UXS1: variants seen among roughly 807,000 people sequenced by gnomAD.
The protein encoded by UXS1 is UDP-glucuronate decarboxylase 1, also known as UDP-glucuronic acid decarboxylase 1.
Under a neutral mutation model 62.6 loss-of-function variants are expected in UXS1, and 33 were observed. The ratio of observed to expected loss-of-function variants is 0.53; its 90% confidence interval spans 0.40 to 0.70. The LOEUF (loss-of-function observed/expected upper bound fraction) is 0.70. Among genes scored for constraint, UXS1 ranks in the 30% least tolerant of loss-of-function variants. The pLI is 0.00. For missense variants in UXS1, 434 were observed against 556.3 expected, an observed-to-expected ratio of 0.78 and a Z score of 2.21; for synonymous variants, 213 against 206.8, an observed-to-expected ratio of 1.03 and a Z score of -0.26.
At chr2:106,162,646 C>T (rs1247549785) in intron 4 of UXS1, among the ~76,000 whole-genome samples, 1 of 152,146 alleles carries the variant, frequency 6.6e-6, no homozygotes, top group African/African-American at 2.4e-5. Context: ...AACTAAAGCA[C>T]AGAATCATGG....
chr2:106,109,602 T>TC (rs764791796), intron 10 of UXS1, among the ~76,000 whole-genome samples: 4 of 152,208 alleles, frequency 2.6e-5, no homozygotes, highest in Admixed American at 6.5e-5. Context: ...AAAATAAACT[T>TC]AGGACAATAG....
intron 5 of UXS1, 155 bp from the exon 6 acceptor site, chr2:106,145,525 C>T (rs1681493184): frequency 4.6e-6 from 4 of 877,966 alleles, no homozygotes; most frequent in Admixed American, 3.3e-5. Flanking sequence ...AAGGTAGCAT[C>T]TTGACTCTTA....
chr2:106,097,087 C>A, intron 13 of UXS1: 1 of 585,678 alleles, frequency 1.7e-6, no homozygotes. Context: ...TCTGTCTCAA[C>A]AGGCCTGAGT....
intron 11 of UXS1, chr2:106,102,131 T>C (rs528642215): frequency 1.1e-4 from 16 of 152,366 alleles, no homozygotes; most frequent in African/African-American, 3.8e-4. Context: ...GTATTTCATA[T>C]GAACATGCTT....
chr2:106,138,058 C>G (rs370299152), intron 6 of UXS1: 2 of 444,234 alleles, frequency 4.5e-6, no homozygotes, highest in East Asian at 3.2e-4. Flanking sequence ...CTTGAGGTGA[C>G]AAGGTATGCA....
chr2:106,168,799 G>A (rs1387704433), intron 1 of UXS1, among the ~76,000 whole-genome samples: 5 of 151,852 alleles, frequency 3.3e-5, no homozygotes, highest in Admixed American at 1.3e-4. Context: ...ATATGACCAC[G>A]GAACTACACT....
At chr2:106,149,459 A>G (rs1014805046) in intron 5 of UXS1, among the ~76,000 whole-genome samples, 2 of 152,168 alleles carry the variant, frequency 1.3e-5, no homozygotes, top group Non-Finnish European at 1.5e-5. Context: ...CAGAGGAGTG[A>G]GTGTGTTATC....
At chr2:106,146,211 C>A (rs1436709504) in intron 5 of UXS1, among the ~76,000 whole-genome samples, 1 of 152,320 alleles carries the variant, frequency 6.6e-6, no homozygotes, top group African/African-American at 2.4e-5. Flanking sequence ...AGAATAGGCT[C>A]AGAAAACAGA....
intron 3 of UXS1, among the ~76,000 whole-genome samples, chr2:106,164,079 T>C (rs1465810355): frequency 6.6e-6 from 1 of 152,212 alleles, no homozygotes; most frequent in African/African-American, 2.4e-5. Flanking sequence ...TTTCTGCAAT[T>C]ACTGTGTATA....
chr2:106,179,234 A>C (rs888166355), intron 1 of UXS1, among the ~76,000 whole-genome samples: 1 of 151,930 alleles, frequency 6.6e-6, no homozygotes, highest in Non-Finnish European at 1.5e-5. Flanking sequence ...TGAAGCCTCC[A>C]TGGTCTCCCC....
Position 106,176,698 on chromosome 2 carries a change from G to A in UXS1, c.95-10615C>T, listed in dbSNP as rs937391127. Among the ~76,000 whole-genome samples the A allele has an allele frequency of 3.9e-5, 6 of 152,306 alleles. 1 individual carries two copies. The highest frequency in any genetic ancestry group is 2.9e-5 in the Non-Finnish European group (2 of 68,020). On this transcript the variant is annotated intron_variant, in intron 1 of 14. Coordinates refer to ENST00000283148, the MANE Select transcript of UXS1 (RefSeq NM_001253875.2). ...TTCCAGGCCTGTGCTCATTCTAAGC[G>A]GTTACACAGGATGAAAAGTGGCCCA...
At chr2:106,186,793 GGAC>G (rs1485881005) in intron 1 of UXS1, among the ~76,000 whole-genome samples, 1 of 151,930 alleles carries the variant, frequency 6.6e-6, no homozygotes, top group African/African-American at 2.4e-5. Context: ...ATTCCAGCAT[GGAC>G]AACAGATTGA....
chr2:106,144,063 A>G (rs1573501629), intron 6 of UXS1, among the ~76,000 whole-genome samples: 2 of 152,354 alleles, frequency 1.3e-5, no homozygotes, highest in East Asian at 3.9e-4. Flanking sequence ...TGGGTTGAAC[A>G]ATGGGAAAGG....
At chr2:106,121,453 A>G (rs1184809909) in intron 9 of UXS1, among the ~76,000 whole-genome samples, 1 of 152,254 alleles carries the variant, frequency 6.6e-6, no homozygotes, top group Non-Finnish European at 1.5e-5. Context: ...AAAGCAAAAG[A>G]AAACAGTTGA....
intron 11 of UXS1, among the ~76,000 whole-genome samples, chr2:106,103,344 G>C (rs998200626): frequency 6.6e-6 from 1 of 152,214 alleles, no homozygotes; most frequent in South Asian, 2.1e-4. Flanking sequence ...CATGTGGTGT[G>C]GGGGCTGGAG....
intron 10 of UXS1, among the ~76,000 whole-genome samples, chr2:106,111,710 A>G (rs1678624811): frequency 6.6e-6 from 1 of 152,198 alleles, no homozygotes; most frequent in Admixed American, 6.5e-5. Flanking sequence ...TGATCAACCA[A>G]TCAATGGGTA....
intron 1 of UXS1, among the ~76,000 whole-genome samples, chr2:106,166,958 A>G (rs1440950103): frequency 6.6e-6 from 1 of 152,194 alleles, no homozygotes. Flanking sequence ...ATGATGATGA[A>G]AGCAAACCCA....
chr2:106,141,921 A>G (rs921976475), intron 6 of UXS1, among the ~76,000 whole-genome samples: 1 of 146,898 alleles, frequency 6.8e-6, no homozygotes, highest in Non-Finnish European at 1.5e-5. Flanking sequence ...CCCAGGCTGG[A>G]GTGCAACGGC....
At chr2:106,101,251 G>A (rs1677576717) in intron 11 of UXS1, 133 bp from the exon 12 acceptor site, 2 of 838,952 alleles carry the variant, frequency 2.4e-6, no homozygotes, top group Non-Finnish European at 3.7e-6. Context: ...AAAATTGAAT[G>A]TCGAAACAAA....
Sources: allele counts gnomAD v4.1 joint callset (sites outside exome capture counted in the v4.1 genomes callset), GRCh38; gene constraint gnomAD v4.1.1; transcripts MANE v1.5; gene names NCBI Gene and HGNC (gene_info 2026-07-23, HGNC 2026-07-21).